The following MECOM variants were observed in gnomAD, a reference collection of about 807,000 sequenced individuals.
The protein encoded by MECOM is histone-lysine N-methyltransferase MECOM.
MECOM carries 13 observed loss-of-function variants against 116.3 expected under a neutral mutation model. That is an observed-to-expected ratio of 0.11 (90% CI 0.07 to 0.18). MECOM has a LOEUF of 0.18. Among genes scored for constraint, MECOM ranks in the 10% least tolerant of loss-of-function variants. MECOM has a pLI of 1.00. For missense variants in MECOM, 1,299 were observed against 1,509.0 expected (o/e 0.86, Z 2.31); for synonymous variants, 528 against 535.2 (o/e 0.99, Z 0.19).
intron 1 of MECOM, among the ~76,000 whole-genome samples, chr3:169,467,781 C>G (rs1748546879): frequency 6.6e-6 from 1 of 152,138 alleles, no homozygotes; most frequent in Non-Finnish European, 1.5e-5. Context: ...ATGTTCATAG[C>G]TTTTCACCGG....
intron 2 of MECOM, among the ~76,000 whole-genome samples, chr3:169,208,178 C>G (rs983147692): frequency 6.6e-6 from 1 of 150,838 alleles, no homozygotes; most frequent in Non-Finnish European, 1.5e-5. Context: ...ATAACACAGT[C>G]TTAGTCTTCT....
At chr3:169,635,130 C>G (rs1772575127) in intron 1 of MECOM, among the ~76,000 whole-genome samples, 1 of 152,206 alleles carries the variant, frequency 6.6e-6, no homozygotes, top group African/African-American at 2.4e-5. Context: ...CAGCATCAAG[C>G]CAGGCCGCTG....
intron 1 of MECOM, among the ~76,000 whole-genome samples, chr3:169,659,671 G>A (rs1776022733): frequency 6.6e-6 from 1 of 151,890 alleles, no homozygotes; most frequent in Non-Finnish European, 1.5e-5. Flanking sequence ...TTAAAACAAA[G>A]CTCTGTTTTC....
intron 2 of MECOM, among the ~76,000 whole-genome samples, chr3:169,177,644 C>T (rs1437849748): frequency 2.0e-5 from 3 of 151,948 alleles, no homozygotes; most frequent in Non-Finnish European, 4.4e-5. Flanking sequence ...GGACCAGGCG[C>T]GGTTGCTCAT....
intron 2 of MECOM, among the ~76,000 whole-genome samples, chr3:169,374,912 C>A (rs1388708345): frequency 1.3e-5 from 2 of 151,848 alleles, no homozygotes; most frequent in East Asian, 3.9e-4. Flanking sequence ...TGGTACACAT[C>A]TGTAGTCCTA....
intron 2 of MECOM, among the ~76,000 whole-genome samples, chr3:169,159,296 C>T (rs1254315993): frequency 6.6e-6 from 1 of 152,126 alleles, no homozygotes; most frequent in Non-Finnish European, 1.5e-5. Flanking sequence ...CATGTTCATG[C>T]CTGTAATCAT....
chr3:169,349,780 T>C (rs1309514619), intron 2 of MECOM, among the ~76,000 whole-genome samples: 1 of 151,924 alleles, frequency 6.6e-6, no homozygotes, highest in East Asian at 1.9e-4. Context: ...CTTTTCTTCT[T>C]TGAGTCTCTG....
At chr3:169,430,220 A>T (rs532566254) in intron 1 of MECOM, among the ~76,000 whole-genome samples, 2 of 152,288 alleles carry the variant, frequency 1.3e-5, no homozygotes, top group African/African-American at 4.8e-5. Flanking sequence ...GCAATCTTTC[A>T]TCAGGGCCAT....
intron 1 of MECOM, among the ~76,000 whole-genome samples, chr3:169,579,506 A>G (rs1490208799): frequency 1.3e-5 from 2 of 152,250 alleles, no homozygotes; most frequent in African/African-American, 4.8e-5. Context: ...TGTTTCCTGA[A>G]GGGGTAAGAG....
At position 169,307,468 on chromosome 3, in the gene MECOM, G is replaced by C. The variant is rs1186093320; in HGVS notation, c.375+73719C>G. On this transcript the variant is annotated intron_variant, in intron 2 of 16. Transcript: ENST00000651503. The stretch of plus-strand genomic sequence containing the variant: ...ATGTGCCTGTGGTCCCGGCTACTTG[G>C]GAGGCTGAGAGGATTGCTTGAGCCC... 3.9e-5 allele frequency among the ~76,000 whole-genome samples: 6 copies of C among 152,100 alleles called. No individual in the cohort carries two copies. In the East Asian group the frequency reaches 1.2e-3, roughly 29 times the overall value.
chr3:169,224,310 T>C (rs546006410), intron 2 of MECOM, among the ~76,000 whole-genome samples: 1 of 152,314 alleles, frequency 6.6e-6, no homozygotes, highest in Non-Finnish European at 1.5e-5. Context: ...TGATAGAGCA[T>C]GCAATACTGG....
chr3:169,097,165 T>C (rs577933035), intron 12 of MECOM, among the ~76,000 whole-genome samples: 6 of 152,154 alleles, frequency 3.9e-5, no homozygotes, highest in African/African-American at 1.4e-4. Context: ...CAAAACACTT[T>C]CTACACAAAT....
intron 1 of MECOM, among the ~76,000 whole-genome samples, chr3:169,646,619 T>C (rs1774222854): frequency 6.6e-6 from 1 of 151,804 alleles, no homozygotes; most frequent in South Asian, 2.1e-4. Context: ...TGAGGATAAG[T>C]GAACGAGACT....
At chr3:169,563,122 G>T (rs1762847692) in intron 1 of MECOM, among the ~76,000 whole-genome samples, 1 of 151,916 alleles carries the variant, frequency 6.6e-6, no homozygotes, top group African/African-American at 2.4e-5. Flanking sequence ...TTTGAAAGGG[G>T]TCACATTCTA....
intron 1 of MECOM, among the ~76,000 whole-genome samples, chr3:169,566,316 T>C (rs1327828342): frequency 1.3e-5 from 2 of 152,292 alleles, no homozygotes; most frequent in Non-Finnish European, 2.9e-5. Context: ...TACCTGGGCA[T>C]GCACCTTGTG....
At chr3:169,126,168 A>G (rs1346026270) in intron 5 of MECOM, among the ~76,000 whole-genome samples, 1 of 152,100 alleles carries the variant, frequency 6.6e-6, no homozygotes, top group Non-Finnish European at 1.5e-5. Flanking sequence ...GAATCAACTA[A>G]ACTAACAGTT....
chr3:169,568,396 G>A (rs1185787977), intron 1 of MECOM, among the ~76,000 whole-genome samples: 1 of 151,666 alleles, frequency 6.6e-6, no homozygotes, highest in Non-Finnish European at 1.5e-5. Flanking sequence ...AAAAGGGGCT[G>A]AAGCCAGGGA....
At chr3:169,556,318 G>A (rs1576859743) in intron 1 of MECOM, among the ~76,000 whole-genome samples, 2 of 152,190 alleles carry the variant, frequency 1.3e-5, no homozygotes, top group African/African-American at 4.8e-5. Flanking sequence ...AGTGGATGGT[G>A]GTGGTGGTAG....
intron 1 of MECOM, among the ~76,000 whole-genome samples, chr3:169,536,347 C>CTT (rs10634392): frequency 0.061 from 7,073 of 115,966 alleles, 393 homozygotes; most frequent in African/African-American, 0.13. Flanking sequence ...AATGTCTCTC[C>CTT]TTTTTTTTTT....
Sources: allele counts gnomAD v4.1 joint callset (sites outside exome capture counted in the v4.1 genomes callset), GRCh38; gene constraint gnomAD v4.1.1; transcripts MANE v1.5; gene names NCBI Gene and HGNC (gene_info 2026-07-23, HGNC 2026-07-21).